Variants in NRXN1 observed in about 807,000 individuals in gnomAD.
NRXN1 encodes the protein neurexin-1.
NRXN1 carries 39 observed loss-of-function variants against 150.9 expected under a neutral mutation model. That is an observed-to-expected ratio of 0.26 (90% CI 0.20 to 0.34). The LOEUF is 0.34. NRXN1 is among the 10% of genes least tolerant of loss of function. NRXN1 has a pLI of 1.00. For missense variants in NRXN1, 1,815 were observed against 1,949.9 expected, an observed-to-expected ratio of 0.93 and a Z score of 1.30; for synonymous variants, 924 against 757.0, an observed-to-expected ratio of 1.22 and a Z score of -3.62.
At chr2:51,022,350 A>T (rs1252624534) in intron 2 of NRXN1, among the ~76,000 whole-genome samples, 1 of 152,116 alleles carries the variant, frequency 6.6e-6, no homozygotes, top group African/African-American at 2.4e-5. Flanking sequence ...AGAAAGTTTG[A>T]GTTTGCCACT....
chr2:49,950,366 A>G (rs1308402216), intron 21 of NRXN1, among the ~76,000 whole-genome samples: 1 of 151,902 alleles, frequency 6.6e-6, no homozygotes, highest in African/African-American at 2.4e-5. Flanking sequence ...ACTATTTAAT[A>G]AACATAAAAA....
intron 15 of NRXN1, among the ~76,000 whole-genome samples, chr2:50,484,960 T>C (rs1016949390): frequency 4.6e-5 from 7 of 152,176 alleles, no homozygotes; most frequent in African/African-American, 1.7e-4. Flanking sequence ...TCAGAAGTAA[T>C]CCTTTCAAAT....
At chr2:50,388,540 A>G (rs2081475697) in intron 17 of NRXN1, among the ~76,000 whole-genome samples, 1 of 152,144 alleles carries the variant, frequency 6.6e-6, no homozygotes, top group Non-Finnish European at 1.5e-5. Context: ...GTATCCTGAC[A>G]GTCAAAACAT....
chr2:50,774,817 G>A (rs1172494787), intron 5 of NRXN1, among the ~76,000 whole-genome samples: 2 of 151,950 alleles, frequency 1.3e-5, no homozygotes, highest in Non-Finnish European at 2.9e-5. Context: ...TTTATGAAAT[G>A]CTTGTTATGA....
intron 5 of NRXN1, among the ~76,000 whole-genome samples, chr2:50,921,665 C>A (rs1359908818): frequency 2.0e-5 from 3 of 151,080 alleles, no homozygotes; most frequent in African/African-American, 4.9e-5. Flanking sequence ...AAAGATCACT[C>A]TAAAGAGAAA....
chr2:51,030,432 A>G (rs1671314598), intron 1 of NRXN1, among the ~76,000 whole-genome samples: 1 of 151,892 alleles, frequency 6.6e-6, no homozygotes. Context: ...ATTTCTCTTC[A>G]GTACAGAGCA....
chr2:50,542,109 C>G (rs962104205), intron 9 of NRXN1, among the ~76,000 whole-genome samples: 6 of 152,024 alleles, frequency 3.9e-5, no homozygotes, highest in African/African-American at 1.5e-4. Flanking sequence ...TGGAGAAACC[C>G]CATCTCTACT....
At chr2:50,496,584 T>C (rs1176288930) in intron 14 of NRXN1, among the ~76,000 whole-genome samples, 1 of 152,200 alleles carries the variant, frequency 6.6e-6, no homozygotes, top group African/African-American at 2.4e-5. Context: ...CCTGAGCCTT[T>C]GAATGTGATC....
chr2:50,144,363 G>A (rs189580216), intron 18 of NRXN1, among the ~76,000 whole-genome samples: 2 of 151,806 alleles, frequency 1.3e-5, no homozygotes, highest in East Asian at 3.9e-4. Flanking sequence ...ATTTCATCCA[G>A]GTTGATACTC....
At chr2:50,882,054 C>T (rs1013208947) in intron 5 of NRXN1, among the ~76,000 whole-genome samples, 2 of 151,778 alleles carry the variant, frequency 1.3e-5, no homozygotes, top group Admixed American at 6.6e-5. Flanking sequence ...TTCAATAAAA[C>T]AACCACTAAA....
intron 17 of NRXN1, among the ~76,000 whole-genome samples, chr2:50,274,299 G>A (rs1031021593): frequency 6.6e-6 from 1 of 152,048 alleles, no homozygotes; most frequent in African/African-American, 2.4e-5. Flanking sequence ...CACAGGAACA[G>A]GAAACCAAAC....
At chr2:50,829,705 C>G (rs1671120967) in intron 5 of NRXN1, 1 of 1,602,064 alleles carries the variant, frequency 6.2e-7, no homozygotes, top group South Asian at 1.1e-5. Context: ...GCCGCCCGCA[C>G]ACCCAGAGCT....
chr2:50,723,634 G>A lies in NRXN1; in HGVS notation c.833-100019C>T, dbSNP rs549768244. 2.0e-5 allele frequency among the ~76,000 whole-genome samples: 3 copies of A among 152,342 alleles called. No individual in the cohort carries two copies. In the East Asian group the frequency reaches 5.8e-4, roughly 29 times the overall value. ...ACTTATAAAGTTACCCAGAGGGCCT[G>A]GGGAAGAGGTGAGTGTCTTCCAGCA... On this transcript the variant is annotated intron_variant, in intron 5 of 22. Coordinates refer to ENST00000401669, the MANE Select transcript of NRXN1 (RefSeq NM_001330078.2).
intron 5 of NRXN1, among the ~76,000 whole-genome samples, chr2:50,740,323 T>C (rs1257383233): frequency 1.3e-5 from 2 of 152,156 alleles, no homozygotes; most frequent in African/African-American, 4.8e-5. Context: ...GGTTCTCATT[T>C]GAAACATACA....
intron 5 of NRXN1, among the ~76,000 whole-genome samples, chr2:50,818,150 C>A (rs1419410488): frequency 1.5e-4 from 21 of 137,718 alleles, no homozygotes; most frequent in East Asian, 2.1e-4. Flanking sequence ...AACTAATAAG[C>A]AAAAAAGTTG....
chr2:50,120,194 T>C (rs944561886), intron 18 of NRXN1, among the ~76,000 whole-genome samples: 21 of 152,278 alleles, frequency 1.4e-4, no homozygotes, highest in African/African-American at 5.1e-4. Flanking sequence ...AAAGAAAACA[T>C]ATATAAGGTA....
intron 5 of NRXN1, among the ~76,000 whole-genome samples, chr2:50,686,806 G>A (rs191312748): frequency 3.3e-5 from 5 of 152,302 alleles, no homozygotes; most frequent in African/African-American, 1.2e-4. Flanking sequence ...AATGCACGGT[G>A]ATGGGTTGAT....
rs191732637 is a variant in NRXN1 at position 51,010,840 on chromosome 2, A to G, written c.772+16662T>C. On this transcript the variant is annotated intron_variant, in intron 2 of 22. Transcript: ENST00000401669. ...TGCTTTGCCACCCAGGCTAGAGGAC[A>G]GTGGCACAATCACAGTTCACTGCAA... Among the ~76,000 whole-genome samples the G allele has an allele frequency of 3.8e-3, 570 of 151,676 alleles. 5 individuals are homozygous for G. Among genetic ancestry groups the G allele is most frequent in the African/African-American group, 0.013 (529 of 41,374 alleles).
intron 19 of NRXN1, among the ~76,000 whole-genome samples, chr2:50,063,312 A>C (rs1313715809): frequency 6.6e-6 from 1 of 152,174 alleles, no homozygotes; most frequent in Non-Finnish European, 1.5e-5. Flanking sequence ...CATTTGTCTT[A>C]TATATTACTT....
Sources: gnomAD v4.1 joint callset for allele counts (sites outside exome capture counted in the v4.1 genomes callset) on GRCh38, gnomAD v4.1.1 for gene constraint, MANE v1.5 for transcripts, NCBI Gene and HGNC (gene_info 2026-07-23, HGNC 2026-07-21) for gene names.